Variants in HEATR5B observed in about 807,000 individuals in gnomAD.
The protein encoded by HEATR5B is HEAT repeat-containing protein 5B.
HEATR5B carries 156 observed loss-of-function variants against 224.1 expected under a neutral mutation model. The observed-to-expected ratio is 0.70, with a 90% CI of 0.61 to 0.80. The LOEUF (loss-of-function observed/expected upper bound fraction) is 0.80, where lower values mean the gene tolerates loss of function less well. HEATR5B is among the 30% of genes least tolerant of loss of function. HEATR5B has a pLI of 0.00. For synonymous variants in HEATR5B, 1,027 were observed against 893.0 expected (o/e 1.15, Z -2.68); for missense variants, 2,323 against 2,535.5 (o/e 0.92, Z 1.80).
Position 37,079,129 on chromosome 2 carries a change from G to T in HEATR5B, c.329C>A (p.Pro110Gln). ...RNKDDTAAYL[P>Q]TKLAAVACVG... ...TAAAGTAAGTACTTACAATTTTGTTGGTAAGTAGGCCGCAGTGTCATCTTT... is the reference window on the plus strand; with the variant it reads ...TAAAGTAAGTACTTACAATTTTGTTTGTAAGTAGGCCGCAGTGTCATCTTT... Residue 110 changes from proline (P) to glutamine (Q), a missense_variant, in exon 3 of 36, where the codon CCA becomes CAA. This residue lies in a region of HEATR5B where 292 missense variants were observed against 332.6 expected (regional missense o/e 0.88). Coordinates refer to ENST00000233099, the MANE Select transcript of HEATR5B (RefSeq NM_019024.3). The T allele has an allele frequency of 6.3e-7, 1 of 1,587,748 alleles. No homozygotes were observed.
chr2:36,982,226 AAATAC>A (rs1458612942), intron 35 of HEATR5B, among the ~76,000 whole-genome samples: 9 of 152,188 alleles, frequency 5.9e-5, no homozygotes, highest in East Asian at 3.8e-4. Flanking sequence ...CTTTAAGTAG[AAATAC>A]AATACAACTT....
intron 35 of HEATR5B, among the ~76,000 whole-genome samples, chr2:36,987,176 C>T (rs1302304677): frequency 1.3e-5 from 2 of 152,154 alleles, no homozygotes; most frequent in Non-Finnish European, 2.9e-5. Flanking sequence ...CGCTTGTAAT[C>T]CGAGCACTTT....
Position 37,072,214 on chromosome 2 carries a change from A to G in HEATR5B, c.665T>C (p.Leu222Pro), listed in dbSNP as rs1390648665. ...WTAELENIAT[L>P]CFKALENSNY... ...TGAGTTTTCCAAAGCCTTAAAGCAG[A>G]GAGTGGCTATATTTTCTAGTTCAGC... Residue 222 changes from leucine to proline, a missense_variant, in exon 6 of 36, where the codon CTC becomes CCC. Leu to Pro is a moderately conservative substitution (Grantham distance 98, BLOSUM62 -3). Around this residue, in one of 12 missense-constraint regions of HEATR5B, gnomAD observed 292 missense variants for 332.6 expected, o/e 0.88. Coordinates refer to ENST00000233099, the MANE Select transcript of HEATR5B (RefSeq NM_019024.3). 7.4e-6 allele frequency: 12 copies of G among 1,613,694 alleles called. No individual in the cohort carries two copies. Among genetic ancestry groups the G allele is most frequent in the Non-Finnish European group, 9.3e-6 (11 of 1,179,712 alleles).
At chr2:36,997,848 G>A (rs1056642546) in intron 33 of HEATR5B, among the ~76,000 whole-genome samples, 2 of 151,912 alleles carry the variant, frequency 1.3e-5, no homozygotes, top group African/African-American at 2.4e-5. Context: ...TTACAGGCGT[G>A]AGCCACCACG....
At position 37,083,286 on chromosome 2, in the gene HEATR5B, T is replaced by C; in HGVS notation, c.126+3A>G. 3 of 1,613,988 alleles carry C rather than the reference T, an allele frequency of 1.9e-6. No homozygotes were observed. Among genetic ancestry groups the C allele is most frequent in the Non-Finnish European group, 2.5e-6 (3 of 1,179,926 alleles). On this transcript the variant is annotated splice_donor_region_variant and intron_variant, in intron 2 of 35. Transcript: ENST00000233099. ...CAACTGGGAAAAAAGAGCAATACCA[T>C]ACCTTGTTGGCAGCAACCAAGACTT...
In HEATR5B at chr2:37,079,352, A is replaced by T. The variant is rs898298435; in HGVS notation, c.127-21T>A. ...TCGGTCTGTTACAAAAAAAATTTTT[A>T]AAAGAACATCATTAAAAATTTTTTT... On this transcript the variant is annotated intron_variant, in intron 2 of 35. Coordinates refer to ENST00000233099, the MANE Select transcript of HEATR5B (RefSeq NM_019024.3). 25 of 1,452,070 alleles carry T rather than the reference A, an allele frequency of 1.7e-5. No individual in the cohort carries two copies. In the African/African-American group the frequency reaches 2.9e-4, roughly 17 times the overall value. 89.9% of individuals were successfully genotyped at this position (1,452,070 alleles called of 1,614,324 possible). A position where few individuals can be genotyped will look rare whatever the true frequency, so the allele number is the denominator to read the frequency against.
intron 35 of HEATR5B, among the ~76,000 whole-genome samples, chr2:36,986,837 G>A (rs906261683): frequency 6.6e-6 from 1 of 152,000 alleles, no homozygotes; most frequent in Non-Finnish European, 1.5e-5. Context: ...GGTTGGTCTC[G>A]AACTCCTGAT....
chr2:36,994,369 C>T (rs1020843492), intron 33 of HEATR5B, among the ~76,000 whole-genome samples: 3 of 152,100 alleles, frequency 2.0e-5, no homozygotes, highest in African/African-American at 7.2e-5. Context: ...GATTTTTGTA[C>T]GTTTGTACAT....
chr2:37,002,687 C>T (rs1572773331), intron 31 of HEATR5B, 115 bp from the exon 32 acceptor site: 1 of 1,006,354 alleles, frequency 9.9e-7, no homozygotes, highest in African/African-American at 1.6e-5. Flanking sequence ...CAAATAATGT[C>T]ACACGTCCTT....
intron 24 of HEATR5B, among the ~76,000 whole-genome samples, chr2:37,021,773 G>A (rs1398103130): frequency 5.9e-5 from 9 of 151,768 alleles, no homozygotes; most frequent in Admixed American, 5.9e-4. Flanking sequence ...TGTAGTCCCA[G>A]CTACTCAGGG....
chr2:37,041,273 C>T lies in HEATR5B; in HGVS notation c.2716G>A (p.Val906Ile). ...SFDKLKSARD[V>I]VSRTGHSLAL... ...AATGAATGACCAGTCCTAGATACAACATCTCGAGCCGATTTCAACCTGAAA... is the reference window on the plus strand; with the variant it reads ...AATGAATGACCAGTCCTAGATACAATATCTCGAGCCGATTTCAACCTGAAA... The change falls in exon 19 of 36, where the codon GTT becomes ATT. Residue 906 changes from valine (V) to isoleucine (I), a missense_variant. Physicochemically the swap from Val to Ile is conservative, Grantham distance 29 (BLOSUM62 3). Around this residue, in one of 12 missense-constraint regions of HEATR5B, gnomAD observed 170 missense variants for 216.7 expected, o/e 0.78. Transcript: ENST00000233099. The T allele has an allele frequency of 6.2e-7, 1 of 1,613,892 alleles. No individual in the cohort carries two copies. The highest frequency in any genetic ancestry group is 8.5e-7 in the Non-Finnish European group (1 of 1,179,928).
chr2:37,072,452 A>G (rs1364996073), intron 5 of HEATR5B, among the ~76,000 whole-genome samples, 171 bp from the exon 6 acceptor site: 3 of 152,194 alleles, frequency 2.0e-5, no homozygotes, highest in Admixed American at 2.0e-4. Context: ...ATCTTTGAGG[A>G]AAAAAACAAG....
intron 26 of HEATR5B, among the ~76,000 whole-genome samples, chr2:37,016,668 T>G (rs766054955): frequency 3.4e-4 from 52 of 152,216 alleles, no homozygotes; most frequent in Non-Finnish European, 6.3e-4. Context: ...AGCTCAGGTT[T>G]TGCTGCCAAA....
intron 2 of HEATR5B, among the ~76,000 whole-genome samples, chr2:37,080,865 C>G (rs1241741466): frequency 6.6e-6 from 1 of 151,656 alleles, no homozygotes; most frequent in Non-Finnish European, 1.5e-5. Context: ...CAAAACCTAA[C>G]AGCGTCTTGG....
At chr2:36,997,103 ATAT>A (rs1666771207) in intron 33 of HEATR5B, among the ~76,000 whole-genome samples, 1 of 148,336 alleles carries the variant, frequency 6.7e-6, no homozygotes. Context: ...ACAGACATAA[ATAT>A]TATTGTCAGT....
intron 27 of HEATR5B, among the ~76,000 whole-genome samples, chr2:37,010,121 T>C (rs1376640819): frequency 1.3e-5 from 2 of 152,222 alleles, no homozygotes; most frequent in Non-Finnish European, 2.9e-5. Flanking sequence ...TATTTTCCTT[T>C]GTTTTGTAAT....
At chr2:37,031,805 T>C (rs1394935496) in intron 22 of HEATR5B, among the ~76,000 whole-genome samples, 1 of 152,114 alleles carries the variant, frequency 6.6e-6, no homozygotes. Context: ...AGTAAAAAAT[T>C]TCCCTCATAA....
intron 24 of HEATR5B, 73 bp downstream of exon 24, chr2:37,027,850 A>G (rs1354154212): frequency 6.8e-7 from 1 of 1,477,116 alleles, no homozygotes; most frequent in East Asian, 2.3e-5. Context: ...TGTCGCAGTA[A>G]AATATCTCAT....
chr2:37,028,781 A>T lies in HEATR5B; in HGVS notation c.3501T>A (p.Ser1167=). The T allele has an allele frequency of 6.2e-7, 1 of 1,614,140 alleles. No individual in the cohort carries two copies. The highest frequency in any genetic ancestry group is 8.5e-7 in the Non-Finnish European group (1 of 1,180,010). The change falls in exon 23 of 36, where the codon TCT becomes TCA. Residue 1167 remains serine (S), a synonymous_variant. Transcript: ENST00000233099. ...LDRETDRKLC[S]DIHDTLGHML... is the part of the protein sequence containing the mutation. ...TATGTCCCAAAGTGTCATGAATATC[A>T]GAACATAATTTTCGATCTGTCTCCC...
Sources: gnomAD v4.1 joint callset for allele counts (sites outside exome capture counted in the v4.1 genomes callset) on GRCh38, gnomAD v4.1.1 for gene constraint, gnomAD v4.1.1 regional missense constraint, MANE v1.5 for transcripts, NCBI Gene and HGNC (gene_info 2026-07-23, HGNC 2026-07-21) for gene names.